RHPN2: variants seen among roughly 807,000 people sequenced by gnomAD.
RHPN2 encodes rhophilin Rho GTPase binding protein 2.
A neutral mutation model predicts 79.0 loss-of-function variants in RHPN2; 40 were observed. The ratio of observed to expected loss-of-function variants is 0.51; its 90% CI spans 0.39 to 0.66. The LOEUF (loss-of-function observed/expected upper bound fraction) is 0.66. Among genes scored for constraint, RHPN2 ranks in the 30% least tolerant of loss-of-function variants. RHPN2 has a pLI of 0.00. For missense variants in RHPN2, 686 were observed against 883.5 expected (o/e 0.78, Z 2.83); for synonymous variants, 285 against 363.5 (o/e 0.78, Z 2.46).
chr19:32,992,226 CAT>C (rs1971666182), intron 12 of RHPN2: 2 of 442,486 alleles, frequency 4.5e-6, no homozygotes, highest in South Asian at 2.2e-5. Flanking sequence ...TTTTTTGAGA[CAT>C]TGTCTCACTC....
At position 33,002,698 on chromosome 19, in the gene RHPN2, G is replaced by A. The variant is rs930215547; in HGVS notation, c.948+115C>T. Reference sequence around the variant, plus strand: ...CAAGCCAGCAGTACTGGCCGGAGCTGGCACAATGCCCAGGTCACAGGCAAG... The same window carrying A: ...CAAGCCAGCAGTACTGGCCGGAGCTAGCACAATGCCCAGGTCACAGGCAAG... On this transcript the variant is annotated intron_variant, in intron 8 of 14. Transcript: ENST00000254260. 162 of 1,121,302 alleles carry A rather than the reference G, an allele frequency of 1.4e-4. 1 individual carries two copies. The highest frequency in any genetic ancestry group is 2.0e-4 in the Non-Finnish European group (152 of 748,660). 69.5% of individuals were successfully genotyped at this position (1,121,302 alleles called of 1,614,324 possible).
chr19:33,023,553 C>T (rs1456933539), intron 3 of RHPN2, among the ~76,000 whole-genome samples: 1 of 151,270 alleles, frequency 6.6e-6, no homozygotes, highest in East Asian at 2.0e-4. Context: ...TTTGGGAGGC[C>T]GAGGCAGGCG....
intron 12 of RHPN2, 107 bp downstream of exon 12, chr19:32,993,870 G>T (rs28370302): frequency 0.14 from 120,516 of 846,882 alleles, 9,104 homozygotes; most frequent in Middle Eastern, 0.16. Flanking sequence ...AAGCCCCCCA[G>T]TTTGAGGCAT....
intron 2 of RHPN2, among the ~76,000 whole-genome samples, chr19:33,037,620 A>G (rs575396402): frequency 1.3e-5 from 2 of 151,844 alleles, no homozygotes; most frequent in East Asian, 3.9e-4. Flanking sequence ...GAACAACTCC[A>G]GACGAACAAC....
In RHPN2 at chr19:33,057,997, T is replaced by G. The variant is rs147520427; in HGVS notation, c.69+6787A>C. 2.9e-3 allele frequency among the ~76,000 whole-genome samples: 438 copies of G among 152,134 alleles called. 2 individuals carry two copies. Among genetic ancestry groups the G allele is most frequent in the African/African-American group, 0.01 (418 of 41,526 alleles). On this transcript the variant is annotated intron_variant, in intron 1 of 14. Transcript: ENST00000254260. ...CAACATAGTGAAACACCATCTCTAC[T>G]AAAAATACAAAAATTAGCTGGGCAT...
intron 5 of RHPN2, 105 bp downstream of exon 5, chr19:33,012,542 C>CTA: frequency 1.2e-6 from 1 of 810,746 alleles, no homozygotes; most frequent in East Asian, 2.4e-5. Context: ...CAACCATCAC[C>CTA]TCTATCCACC....
intron 2 of RHPN2, among the ~76,000 whole-genome samples, chr19:33,043,198 T>C (rs1352290501): frequency 6.6e-6 from 1 of 150,742 alleles, no homozygotes; most frequent in Non-Finnish European, 1.5e-5. Flanking sequence ...GAGCTGTGAT[T>C]GCACATTGCA....
At chr19:33,046,549 G>A (rs1313206030) in intron 1 of RHPN2, among the ~76,000 whole-genome samples, 1 of 152,164 alleles carries the variant, frequency 6.6e-6, no homozygotes, top group Non-Finnish European at 1.5e-5. Context: ...TTACAGGCGT[G>A]AGCCACTGAG....
At chr19:33,040,158 G>A (rs1972088922) in intron 2 of RHPN2, among the ~76,000 whole-genome samples, 2 of 151,134 alleles carry the variant, frequency 1.3e-5, no homozygotes, top group Admixed American at 1.3e-4. Context: ...GCCCAGAGAG[G>A]TTAAATGACC....
rs1868912378 is a variant in RHPN2 at position 33,064,806 on chromosome 19, T to G, written c.47A>C (p.Glu16Ala). The change falls in exon 1 of 15, where the codon GAG becomes GCG. Residue 16 changes from glutamate (E) to alanine (A), a missense_variant. Coordinates refer to ENST00000254260, the MANE Select transcript of RHPN2 (RefSeq NM_033103.5). ...LPAAPQPLEK[E>A]NDGYFRKGCN... ...CACCTTCCGAAAGTAGCCGTCGTTCTCCTTCTCCAGCGGCTGGGGGGCCGC... is the reference window on the plus strand; with the variant it reads ...CACCTTCCGAAAGTAGCCGTCGTTCGCCTTCTCCAGCGGCTGGGGGGCCGC... 3 of 1,352,664 alleles carry G rather than the reference T, an allele frequency of 2.2e-6. No homozygotes were observed. In the African/African-American group the frequency reaches 4.7e-5, roughly 21 times the overall value. The allele number at this position is 1,352,664 out of a possible 1,614,324, so 83.8% of individuals were successfully genotyped here.
At position 32,996,023 on chromosome 19, in the gene RHPN2, C is replaced by G. The variant is rs1469842057; in HGVS notation, c.1420+3G>C. Reference sequence around the variant, plus strand: ...CAGAGGGAACACAGTCTAGGCTACTCACCAACAACACTGGGGGCGTCGATC... The same window carrying G: ...CAGAGGGAACACAGTCTAGGCTACTGACCAACAACACTGGGGGCGTCGATC... On this transcript the variant is annotated splice_donor_region_variant and intron_variant, in intron 11 of 14. Coordinates refer to ENST00000254260, the MANE Select transcript of RHPN2 (RefSeq NM_033103.5). 1 of 1,613,990 alleles carries G rather than the reference C, an allele frequency of 6.2e-7. No homozygotes were observed. Among genetic ancestry groups the G allele is most frequent in the South Asian group, 1.1e-5 (1 of 91,072 alleles).
intron 7 of RHPN2, among the ~76,000 whole-genome samples, chr19:33,005,911 T>G (rs1008052210): frequency 2.0e-4 from 31 of 152,286 alleles, no homozygotes; most frequent in African/African-American, 7.5e-4. Flanking sequence ...AATTATTTTT[T>G]GGGACAGGGT....
intron 12 of RHPN2, among the ~76,000 whole-genome samples, chr19:32,992,746 G>C (rs1971670972): frequency 6.6e-6 from 1 of 151,554 alleles, no homozygotes; most frequent in Non-Finnish European, 1.5e-5. Flanking sequence ...AGGAGTTCGA[G>C]GCTGCAGTGA....
chr19:33,050,718 G>A (rs1972179805), intron 1 of RHPN2, among the ~76,000 whole-genome samples: 1 of 151,870 alleles, frequency 6.6e-6, no homozygotes, highest in African/African-American at 2.4e-5. Context: ...CGCTCTTGTT[G>A]CCCGGGCTGG....
intron 4 of RHPN2, among the ~76,000 whole-genome samples, chr19:33,017,072 C>T (rs1387187737): frequency 6.6e-6 from 1 of 152,188 alleles, no homozygotes. Flanking sequence ...CCAAGAGACT[C>T]TTCCTTTAAA....
At chr19:32,980,468 G>A (rs1971565599) in intron 14 of RHPN2, among the ~76,000 whole-genome samples, 1 of 152,050 alleles carries the variant, frequency 6.6e-6, no homozygotes, top group South Asian at 2.1e-4. Flanking sequence ...TTAACCAGGT[G>A]TGGTGGTGGA....
At chr19:33,054,130 T>C (rs1972211809) in intron 1 of RHPN2, among the ~76,000 whole-genome samples, 1 of 151,990 alleles carries the variant, frequency 6.6e-6, no homozygotes, top group African/African-American at 2.4e-5. Context: ...CCTAAAGTGC[T>C]GGGATCATAG....
At chr19:33,024,624 C>A (rs1227335858) in intron 3 of RHPN2, among the ~76,000 whole-genome samples, 1 of 152,010 alleles carries the variant, frequency 6.6e-6, no homozygotes, top group Non-Finnish European at 1.5e-5. Flanking sequence ...ACTCAAGGTT[C>A]CCAAATCCCG....
Position 33,056,134 on chromosome 19 carries a change from C to T in RHPN2, c.69+8650G>A, listed in dbSNP as rs567377595. ...TTTTTTCCTTTTTTTTTTTTTGAGA[C>T]GGAGTTTTTTGCTCGTTGCCCTGGC... On this transcript the variant is annotated intron_variant, in intron 1 of 14. Transcript: ENST00000254260. Among the ~76,000 whole-genome samples the T allele has an allele frequency of 3.9e-3, 416 of 107,684 alleles. 5 individuals are homozygous for T. The highest frequency in any genetic ancestry group is 0.021 in the African/African-American group (392 of 18,908). 70.6% of individuals were successfully genotyped at this position (107,684 alleles called of 152,430 possible).
Sources: allele counts gnomAD v4.1 joint callset (sites outside exome capture counted in the v4.1 genomes callset), GRCh38; gene constraint gnomAD v4.1.1; transcripts MANE v1.5; gene names NCBI Gene and HGNC (gene_info 2026-07-23, HGNC 2026-07-21).